CD63: variants seen among roughly 807,000 people sequenced by gnomAD.
The protein encoded by CD63 is CD63 molecule.
CD63 carries 16 observed loss-of-function variants against 29.2 expected under a neutral mutation model. The ratio of observed to expected loss-of-function variants is 0.55; its 90% CI spans 0.37 to 0.83. CD63 has a LOEUF of 0.83. Among genes scored for constraint, CD63 ranks in the 40% least tolerant of loss-of-function variants. The pLI is 0.00. For synonymous variants in CD63, 118 were observed against 111.7 expected, an observed-to-expected ratio of 1.06 and a Z score of -0.36; for missense variants, 251 against 297.3, an observed-to-expected ratio of 0.84 and a Z score of 1.15.
intron 5 of CD63, chr12:55,726,496 C>T (rs1592529790): frequency 1.6e-6 from 1 of 624,808 alleles, no homozygotes; most frequent in Non-Finnish European, 2.8e-6. Flanking sequence ...AGGCACTCAC[C>T]ACCACACCTG....
At chr12:55,724,165 C>A, downstream of CD63, 1 of 1,464,544 alleles carries the variant, frequency 6.8e-7, no homozygotes, top group Non-Finnish European at 9.3e-7. Context: ...TGAGGGTGAA[C>A]AGGATGTTAC....
Position 55,725,451 on chromosome 12 carries a change from G to A in CD63, c.*110C>T. On this transcript the variant is annotated 3_prime_UTR_variant, in exon 8 of 8. Transcript: ENST00000257857. ...AGGAAGGAATCAAGCATCACTCTAA[G>A]ACAAACTCAGACCATCTCTTTTCGG... 1 of 912,192 alleles carries A rather than the reference G, an allele frequency of 1.1e-6. No homozygotes were observed. Among genetic ancestry groups the A allele is most frequent in the East Asian group, 2.4e-5 (1 of 41,676 alleles). The allele number at this position is 912,192 out of a possible 1,614,324, so 56.5% of individuals were successfully genotyped here. A position where few individuals can be genotyped will look rare whatever the true frequency, so the allele number is the denominator to read the frequency against.
Position 55,726,734 on chromosome 12 carries a change from T to C in CD63, c.392A>G (p.His131Arg), listed in dbSNP as rs778374855. The change falls in exon 5 of 8, where the codon CAC becomes CGC. Residue 131 changes from histidine to arginine, a missense_variant. Coordinates refer to ENST00000257857, the MANE Select transcript of CD63 (RefSeq NM_001780.6). ...CATCCTGTCCAGGATCGAAGCAGTG[T>C]GGTTGTTTTTCGGGTAATTCTCCAT... ...QQMENYPKNN[H>R]TASILDRMQA... is the part of the protein sequence containing the mutation. 4 of 1,614,074 alleles carry C rather than the reference T, an allele frequency of 2.5e-6. No individual in the cohort carries two copies. Among genetic ancestry groups the C allele is most frequent in the Non-Finnish European group, 8.5e-7 (1 of 1,179,956 alleles).
At chr12:55,726,298 A>G (rs747487769) in intron 5 of CD63, 37 bp from the exon 6 acceptor site, 16 of 1,396,648 alleles carry the variant, frequency 1.1e-5, no homozygotes, top group Non-Finnish European at 1.3e-5. Flanking sequence ...GAAGGTTGTT[A>G]AGTGAACCTT....
rs1439146047 is a variant in CD63 at position 55,728,890 on chromosome 12, G to A, written c.-12+63C>T. 1.0e-6 allele frequency: 1 copy of A among 987,272 alleles called. No homozygotes were observed. Among genetic ancestry groups the A allele is most frequent in the African/African-American group, 1.7e-5 (1 of 57,232 alleles). The allele number at this position is 987,272 out of a possible 1,614,324, so 61.2% of individuals were successfully genotyped here. ...CGCGGGCCTGGGGCGAGCCCTGGAGGAAGGGACTGCGGGTGGTCTCTCCCA... is the reference window on the plus strand; with the variant it reads ...CGCGGGCCTGGGGCGAGCCCTGGAGAAAGGGACTGCGGGTGGTCTCTCCCA... On this transcript the variant is annotated intron_variant, in intron 1 of 7. Coordinates refer to ENST00000257857, the MANE Select transcript of CD63 (RefSeq NM_001780.6). This position sits in a 1 kb window ranked among gnomAD's most constrained non-coding sequence, Gnocchi z 4.8.
At chr12:55,724,046 A>T, downstream of CD63, 1 of 1,609,210 alleles carries the variant, frequency 6.2e-7, no homozygotes. Context: ...CTTCCTCACC[A>T]AGTGTGAGTA....
chr12:55,724,174 A>T, downstream of CD63: 1 of 1,459,996 alleles, frequency 6.8e-7, no homozygotes, highest in Non-Finnish European at 9.4e-7. Flanking sequence ...ACAGGATGTT[A>T]CAAGAGTGCC....
At chr12:55,724,773 C>A, downstream of CD63, 1 of 597,956 alleles carries the variant, frequency 1.7e-6, no homozygotes, top group East Asian at 2.9e-5. Context: ...TGTTCAGTCC[C>A]TGCAAAACAG....
chr12:55,726,424 A>G, intron 5 of CD63, 163 bp from the exon 6 acceptor site: 1 of 671,844 alleles, frequency 1.5e-6, no homozygotes, highest in Non-Finnish European at 2.4e-6. Flanking sequence ...GGCTCACTGC[A>G]ACCTCCGCCT....
chr12:55,727,104 G>T, intron 3 of CD63, 47 bp downstream of exon 3: 1 of 1,576,542 alleles, frequency 6.3e-7, no homozygotes, highest in Non-Finnish European at 8.7e-7. Context: ...GAACCAAGCT[G>T]CTCTGGCAGT....
rs1378017295 is a variant in CD63 at position 55,726,745 on chromosome 12, C to T, written c.381G>A (p.Pro127=). 7 of 1,614,010 alleles carry T rather than the reference C, an allele frequency of 4.3e-6. No individual in the cohort carries two copies. The highest frequency in any genetic ancestry group is 2.2e-5 in the East Asian group (1 of 44,894). Residue 127 remains proline, a synonymous_variant, in exon 5 of 8, where the codon CCG becomes CCA. Coordinates refer to ENST00000257857, the MANE Select transcript of CD63 (RefSeq NM_001780.6). ...GGATCGAAGCAGTGTGGTTGTTTTT[C>T]GGGTAATTCTCCATCTGCTGCCGGA... The part of the protein sequence containing the change: ...NNFRQQMENY[P]KNNHTASILD...
In CD63 at chr12:55,726,804, A is replaced by G. The variant is rs764938653; in HGVS notation, c.331-9T>C. On this transcript the variant is annotated splice_polypyrimidine_tract_variant and intron_variant, in intron 4 of 7. Coordinates refer to ENST00000257857, the MANE Select transcript of CD63 (RefSeq NM_001780.6). ...TTAAACTCTGACATCACCTGAGAGT[A>G]CGGAGGAGCACTGTTGCAGTCAGAA... 2 of 1,610,472 alleles carry G rather than the reference A, an allele frequency of 1.2e-6. No individual in the cohort carries two copies. The highest frequency in any genetic ancestry group is 1.7e-6 in the Non-Finnish European group (2 of 1,176,720).
At chr12:55,724,688 G>T (rs1232533388), downstream of CD63, 1 of 849,168 alleles carries the variant, frequency 1.2e-6, no homozygotes, top group Non-Finnish European at 1.9e-6. Flanking sequence ...AAGGTGGGCA[G>T]AAATGTGCCC....
At chr12:55,726,037 A>C in intron 6 of CD63, 84 bp downstream of exon 6, 1 of 1,540,366 alleles carries the variant, frequency 6.5e-7, no homozygotes, top group South Asian at 1.1e-5. Flanking sequence ...CCCATCCCTG[A>C]CCCTGTCCAC....
downstream of CD63, chr12:55,724,384 C>T (rs776391745): frequency 4.3e-6 from 7 of 1,614,094 alleles, no homozygotes; most frequent in African/African-American, 1.3e-5. Flanking sequence ...CAAGGTGAGC[C>T]GATGCCTGGA....
intron 7 of CD63, 71 bp from the exon 8 acceptor site, chr12:55,725,697 A>C (rs933657583): frequency 6.6e-7 from 1 of 1,520,886 alleles, no homozygotes; most frequent in Non-Finnish European, 9.1e-7. Flanking sequence ...CATGCAAGAG[A>C]CTCCAAACAC....
downstream of CD63, chr12:55,724,054 G>A: frequency 6.2e-7 from 1 of 1,608,034 alleles, no homozygotes; most frequent in Non-Finnish European, 8.5e-7. Context: ...CCAAGTGTGA[G>A]TAGCCAGGCC....
Position 55,726,144 on chromosome 12 carries a change from T to G in CD63, c.544A>C (p.Asn182His), listed in dbSNP as rs1237052087. The change falls in exon 6 of 8, where the codon AAC (asparagine) becomes CAC (histidine). Residue 182 changes from asparagine (N) to histidine (H), a missense_variant. Coordinates refer to ENST00000257857, the MANE Select transcript of CD63 (RefSeq NM_001780.6). ...ACCTCCTTATGGATCGCCTTCTCGT[T>G]GAAATTAATCCCACAGCCCACAGTA... Reference protein sequence around the residue: ...NVTVGCGINFNEKAIHKEGCV... With the variant: ...NVTVGCGINFHEKAIHKEGCV... 1.2e-6 allele frequency: 2 copies of G among 1,613,974 alleles called. No homozygotes were observed. The highest frequency in any genetic ancestry group is 2.2e-5 in the South Asian group (2 of 91,076).
At chr12:55,729,990 C>T (rs1877801401), upstream of CD63, 1 of 152,398 alleles carries the variant, frequency 6.6e-6, no homozygotes, top group African/African-American at 2.4e-5. Flanking sequence ...CTGAACAGGC[C>T]GGAGAGTAGG....
Sources: gnomAD v4.1 joint callset for allele counts on GRCh38, gnomAD v4.1.1 for gene constraint, Gnocchi (gnomAD v3.1) non-coding constraint, MANE v1.5 for transcripts, NCBI Gene and HGNC (gene_info 2026-07-23, HGNC 2026-07-21) for gene names.